PTPRQ: variants seen among roughly 807,000 people sequenced by gnomAD.
PTPRQ encodes the protein protein tyrosine phosphatase receptor type Q, also known as phosphatidylinositol phosphatase PTPRQ.
PTPRQ carries 199 observed loss-of-function variants against 246.0 expected under a neutral mutation model. The observed-to-expected ratio is 0.81, with a 90% CI of 0.72 to 0.91. The LOEUF is 0.91. Ranked by LOEUF, PTPRQ falls within the 40% of genes least tolerant of loss-of-function variation. The pLI, the probability that PTPRQ is intolerant of heterozygous loss-of-function variation, is 0.00. For missense variants in PTPRQ, 2,624 were observed against 2,528.4 expected (o/e 1.04, Z -0.81); for synonymous variants, 869 against 853.2 (o/e 1.02, Z -0.32).
At chr12:80,587,873 C>T (rs1200173458) in intron 25 of PTPRQ, among the ~76,000 whole-genome samples, 4 of 151,976 alleles carry the variant, frequency 2.6e-5, no homozygotes, top group Admixed American at 1.3e-4. Flanking sequence ...TTTATATAAG[C>T]CACTTATGAT....
intron 25 of PTPRQ, among the ~76,000 whole-genome samples, chr12:80,578,353 C>A (rs1449490212): frequency 2.0e-5 from 3 of 150,476 alleles, no homozygotes; most frequent in Admixed American, 2.0e-4. Flanking sequence ...TTTTCCCATC[C>A]CAAAAAATCA....
At chr12:80,658,557 T>G (rs1900522098) in intron 39 of PTPRQ, among the ~76,000 whole-genome samples, 1 of 152,050 alleles carries the variant, frequency 6.6e-6, no homozygotes, top group Non-Finnish European at 1.5e-5. Flanking sequence ...TCATGGAATC[T>G]TAAAGAAGGA....
At position 80,496,620 on chromosome 12, in the gene PTPRQ, A is replaced by G. The variant is rs1894634034; in HGVS notation, c.2272+89A>G. On this transcript the variant is annotated intron_variant, in intron 14 of 44. Coordinates refer to ENST00000644991, the MANE Select transcript of PTPRQ (RefSeq NM_001145026.2). ...TCGCCATGTTGTTTACATTTTACATAACCTAAAATCCCTCATTATTTTGTT... is the reference window on the plus strand; with the variant it reads ...TCGCCATGTTGTTTACATTTTACATGACCTAAAATCCCTCATTATTTTGTT... 6 of 1,396,196 alleles carry G rather than the reference A, an allele frequency of 4.3e-6. No homozygotes were observed. The Admixed American group carries it at 1.6e-4, about 37-fold the overall frequency. 86.5% of individuals were successfully genotyped at this position (1,396,196 alleles called of 1,614,324 possible). A position where few individuals can be genotyped will look rare whatever the true frequency, so the allele number is the denominator to read the frequency against.
chr12:80,521,666 T>C (rs1204338550), intron 17 of PTPRQ, among the ~76,000 whole-genome samples: 3 of 152,184 alleles, frequency 2.0e-5, no homozygotes, highest in African/African-American at 4.8e-5. Flanking sequence ...AAAGATCAGA[T>C]AGTTGTAGAT....
intron 14 of PTPRQ, among the ~76,000 whole-genome samples, chr12:80,498,081 C>T (rs2120665178): frequency 6.6e-6 from 1 of 152,166 alleles, no homozygotes; most frequent in African/African-American, 2.4e-5. Context: ...GAGCATTTTA[C>T]ATTATCAAGA....
chr12:80,549,210 G>C (rs1896395136), intron 24 of PTPRQ, among the ~76,000 whole-genome samples: 1 of 152,084 alleles, frequency 6.6e-6, no homozygotes, highest in South Asian at 2.1e-4. Flanking sequence ...TTGAGGATGT[G>C]ATTGGTGCTT....
intron 43 of PTPRQ, among the ~76,000 whole-genome samples, chr12:80,674,489 C>T (rs1275547730): frequency 6.6e-6 from 1 of 152,088 alleles, no homozygotes; most frequent in Non-Finnish European, 1.5e-5. Flanking sequence ...TGTCATGGAA[C>T]ATTAATCCTC....
intron 30 of PTPRQ, 110 bp downstream of exon 30, chr12:80,616,376 A>C: frequency 9.6e-7 from 1 of 1,041,456 alleles, no homozygotes; most frequent in East Asian, 3.8e-5. Flanking sequence ...AAATATGCAT[A>C]TATTAAGCAC....
At chr12:80,467,193 G>T (rs188350350) in intron 6 of PTPRQ, among the ~76,000 whole-genome samples, 1 of 151,688 alleles carries the variant, frequency 6.6e-6, no homozygotes, top group Admixed American at 6.6e-5. Flanking sequence ...AAAAGTGGGC[G>T]AAGGACATGA....
chr12:80,632,529 T>G (rs1449459274), intron 34 of PTPRQ, among the ~76,000 whole-genome samples: 1 of 152,164 alleles, frequency 6.6e-6, no homozygotes, highest in Non-Finnish European at 1.5e-5. Context: ...AGAAAACATT[T>G]AATGTAAAGA....
intron 17 of PTPRQ, among the ~76,000 whole-genome samples, chr12:80,524,188 C>T (rs1331028063): frequency 6.6e-6 from 1 of 152,092 alleles, no homozygotes; most frequent in Non-Finnish European, 1.5e-5. Flanking sequence ...GTTTGCAACC[C>T]CTGCCTTTTC....
intron 14 of PTPRQ, among the ~76,000 whole-genome samples, chr12:80,501,683 T>C (rs1166355114): frequency 6.6e-6 from 1 of 151,838 alleles, no homozygotes; most frequent in East Asian, 1.9e-4. Flanking sequence ...GTAGAAGAGC[T>C]AATCAAGGAC....
At chr12:80,674,643 A>T (rs1307026560) in intron 43 of PTPRQ, among the ~76,000 whole-genome samples, 1 of 152,222 alleles carries the variant, frequency 6.6e-6, no homozygotes, top group African/African-American at 2.4e-5. Flanking sequence ...TGTAAACATA[A>T]ATAAAATAAG....
At chr12:80,576,662 T>C (rs78339522) in intron 25 of PTPRQ, among the ~76,000 whole-genome samples, 1 of 152,016 alleles carries the variant, frequency 6.6e-6, no homozygotes, top group Non-Finnish European at 1.5e-5. Flanking sequence ...TTTTTTTTTT[T>C]CCTATTCTAC....
chr12:80,564,369 C>T (rs189472740), intron 25 of PTPRQ, among the ~76,000 whole-genome samples: 21 of 152,268 alleles, frequency 1.4e-4, no homozygotes, highest in African/African-American at 4.3e-4. Context: ...TTCCTAACTC[C>T]ACCTTTCAGC....
chr12:80,462,637 C>T (rs2120493866), intron 6 of PTPRQ: 1 of 163,686 alleles, frequency 6.1e-6, no homozygotes, highest in African/African-American at 2.4e-5. Context: ...AGACTGACAC[C>T]TCACAAGGCC....
rs1330487603 is a variant in PTPRQ at position 80,669,113 on chromosome 12, T to G, written c.6299T>G (p.Met2100Arg). ...GAAACCAGAGCAAAAACATTAGTAA[T>G]GCTAACACAGTGTTTTGAAAAAGGA... ...VWETRAKTLV[M>R]LTQCFEKGRI... is the part of the protein sequence containing the mutation. The change falls in exon 40 of 45, where the codon ATG becomes AGG. Residue 2100 changes from methionine (M) to arginine (R), a missense_variant. By Grantham distance (91) the Met-to-Arg change is moderately conservative (BLOSUM62 -1). Coordinates refer to ENST00000644991, the MANE Select transcript of PTPRQ (RefSeq NM_001145026.2). 6.5e-7 allele frequency: 1 copy of G among 1,548,942 alleles called. No individual in the cohort carries two copies. The highest frequency in any genetic ancestry group is 8.7e-7 in the Non-Finnish European group (1 of 1,145,652).
chr12:80,478,251 C>A (rs1893892926), intron 8 of PTPRQ, among the ~76,000 whole-genome samples: 1 of 151,072 alleles, frequency 6.6e-6, no homozygotes. Flanking sequence ...AACTGGGAGG[C>A]ATCCCCCAGC....
At chr12:80,623,740 G>A (rs1371847611) in intron 33 of PTPRQ, among the ~76,000 whole-genome samples, 2 of 152,120 alleles carry the variant, frequency 1.3e-5, no homozygotes, top group African/African-American at 4.8e-5. Context: ...TCAACTTACT[G>A]GTTTCATACA....
Sources: gnomAD v4.1 joint callset for allele counts (sites outside exome capture counted in the v4.1 genomes callset) on GRCh38, gnomAD v4.1.1 for gene constraint, MANE v1.5 for transcripts, NCBI Gene and HGNC (gene_info 2026-07-23, HGNC 2026-07-21) for gene names.